The following MAGI1 variants were observed in gnomAD, a reference collection of about 807,000 sequenced individuals.
The protein encoded by MAGI1 is membrane associated guanylate kinase, WW and PDZ domain containing 1.
Under a neutral mutation model 139.9 loss-of-function variants are expected in MAGI1, and 58 were observed. The observed-to-expected ratio is 0.41, with a 90% CI of 0.34 to 0.52. MAGI1 has a LOEUF of 0.52. Among genes scored for constraint, MAGI1 ranks in the 20% least tolerant of loss-of-function variants. The pLI is 0.12. For missense variants in MAGI1, 1,874 were observed against 1,901.6 expected, an observed-to-expected ratio of 0.99 and a Z score of 0.27; for synonymous variants, 812 against 737.9, an observed-to-expected ratio of 1.10 and a Z score of -1.63.
rs146513749 is a variant in MAGI1 at position 65,805,636 on chromosome 3, C to A, written c.314-183548G>T. On this transcript the variant is annotated intron_variant, in intron 1 of 22. Coordinates refer to ENST00000402939, the MANE Select transcript of MAGI1 (RefSeq NM_001033057.2). ...TCATTCTATTACAAAGGTACATGCA[C>A]GTGTATGTTCACTGAAGCACATTCA... Among the ~76,000 whole-genome samples the A allele has an allele frequency of 1.9e-4, 29 of 152,210 alleles. 1 individual carries two copies. The East Asian group carries it at 5.6e-3, about 29-fold the overall frequency.
At chr3:65,656,402 G>C (rs574338974) in intron 1 of MAGI1, among the ~76,000 whole-genome samples, 27 of 152,280 alleles carry the variant, frequency 1.8e-4, no homozygotes, top group African/African-American at 6.0e-4. Flanking sequence ...TTTTCAAAGT[G>C]TCTCAGATTA....
At chr3:65,899,351 A>G (rs556665819) in intron 1 of MAGI1, among the ~76,000 whole-genome samples, 58 of 152,352 alleles carry the variant, frequency 3.8e-4, no homozygotes, top group African/African-American at 1.0e-3. Flanking sequence ...ATAACTACTC[A>G]GGTCCATTTT....
intron 1 of MAGI1, among the ~76,000 whole-genome samples, chr3:65,684,867 A>AC (rs2087890483): frequency 2.3e-5 from 3 of 133,216 alleles, no homozygotes; most frequent in African/African-American, 9.8e-5. Context: ...ACACCTGGCT[A>AC]ATTTTTTTTT....
At chr3:65,380,123 C>T (rs1181618750) in intron 16 of MAGI1, among the ~76,000 whole-genome samples, 1 of 152,164 alleles carries the variant, frequency 6.6e-6, no homozygotes, top group East Asian at 1.9e-4. Context: ...TCTTAGCTTC[C>T]AGGTGTCAAC....
intron 1 of MAGI1, among the ~76,000 whole-genome samples, chr3:65,684,868 ATTTTTTTTTTTTT>A (rs761948943): frequency 7.1e-5 from 7 of 98,176 alleles, no homozygotes; most frequent in Non-Finnish European, 1.1e-4. Context: ...CACCTGGCTA[ATTTTTTTTTTTTT>A]TTTTTTTTTT....
chr3:65,544,861 C>T (rs1353869594), intron 2 of MAGI1, among the ~76,000 whole-genome samples: 1 of 152,116 alleles, frequency 6.6e-6, no homozygotes, highest in Non-Finnish European at 1.5e-5. Flanking sequence ...ATAATGCAAA[C>T]CTGATGGGGT....
At chr3:65,382,473 T>A (rs548967887) in intron 15 of MAGI1, among the ~76,000 whole-genome samples, 1 of 152,332 alleles carries the variant, frequency 6.6e-6, no homozygotes, top group South Asian at 2.1e-4. Flanking sequence ...GAATAGGGAA[T>A]CTGTAATAAA....
intron 1 of MAGI1, among the ~76,000 whole-genome samples, chr3:65,693,204 C>G (rs2088836613): frequency 6.6e-6 from 1 of 152,190 alleles, no homozygotes. Flanking sequence ...CTCAGCCTCC[C>G]AAAGTGCTGG....
chr3:65,634,990 C>T (rs914468790), intron 1 of MAGI1, among the ~76,000 whole-genome samples: 8 of 152,134 alleles, frequency 5.3e-5, no homozygotes, highest in African/African-American at 1.9e-4. Flanking sequence ...AAGATGTTAA[C>T]AGCTGGTGAA....
intron 1 of MAGI1, among the ~76,000 whole-genome samples, chr3:65,634,204 T>C (rs2084472746): frequency 6.6e-6 from 1 of 152,198 alleles, no homozygotes; most frequent in South Asian, 2.1e-4. Context: ...TCTGTGTTCT[T>C]GACCAGAGAG....
rs141229946 is a variant in MAGI1, at chr3:65,693,236, C to G, written c.314-71148G>C. ...CTGGGATTATGGGTGTGAATCACTGCGCCTGGCCACATAATAAATGTCTTT... is the reference window on the plus strand; with the variant it reads ...CTGGGATTATGGGTGTGAATCACTGGGCCTGGCCACATAATAAATGTCTTT... On this transcript the variant is annotated intron_variant, in intron 1 of 22. Transcript: ENST00000402939. 7.2e-4 allele frequency among the ~76,000 whole-genome samples: 109 copies of G among 152,248 alleles called. 1 individual carries two copies. Among genetic ancestry groups the G allele is most frequent in the African/African-American group, 2.5e-3 (104 of 41,530 alleles).
At chr3:65,859,316 T>C (rs1053293213) in intron 1 of MAGI1, among the ~76,000 whole-genome samples, 2 of 151,952 alleles carry the variant, frequency 1.3e-5, no homozygotes, top group South Asian at 2.1e-4. Context: ...AGCTAAACTT[T>C]ATGGGAGGCC....
chr3:65,982,134 C>T (rs2065614578), intron 1 of MAGI1, among the ~76,000 whole-genome samples: 1 of 152,136 alleles, frequency 6.6e-6, no homozygotes, highest in African/African-American at 2.4e-5. Context: ...CCATTTTGAC[C>T]AGAGCTGGAT....
chr3:65,849,580 GTTGCTGGTCTGTTA>G (rs1433234332), intron 1 of MAGI1, among the ~76,000 whole-genome samples: 2 of 151,310 alleles, frequency 1.3e-5, no homozygotes, highest in Non-Finnish European at 2.9e-5. Context: ...GGATTTGAGG[GTTGCTGGTCTGTTA>G]TTGTTAGATG....
intron 1 of MAGI1, among the ~76,000 whole-genome samples, chr3:65,790,203 C>A (rs1161308273): frequency 6.6e-6 from 1 of 152,056 alleles, no homozygotes; most frequent in Non-Finnish European, 1.5e-5. Context: ...AGCCAAGATG[C>A]AATACTTAAA....
Position 65,931,733 on chromosome 3 carries a change from G to T in MAGI1, c.313+106263C>A, listed in dbSNP as rs17441629. Among the ~76,000 whole-genome samples the T allele has an allele frequency of 3.9e-5, 6 of 152,174 alleles. No individual in the cohort carries two copies. In the East Asian group the frequency reaches 1.2e-3, roughly 29 times the overall value. On this transcript the variant is annotated intron_variant, in intron 1 of 22. Transcript: ENST00000402939. ...ACTTATATTACAGGGTAAAAAAACA[G>T]TTCCGCTATTATTCCTCTCTGTGGC...
At chr3:65,596,055 G>C (rs1414135677) in intron 2 of MAGI1, among the ~76,000 whole-genome samples, 1 of 152,150 alleles carries the variant, frequency 6.6e-6, no homozygotes, top group Non-Finnish European at 1.5e-5. Context: ...TTGTCGACGA[G>C]TTTCAGTGCA....
At chr3:65,918,669 G>A (rs1392104121) in intron 1 of MAGI1, among the ~76,000 whole-genome samples, 7 of 151,974 alleles carry the variant, frequency 4.6e-5, no homozygotes, top group East Asian at 3.9e-4. Flanking sequence ...GTGAGCCACC[G>A]CGCCCGGCCT....
At chr3:65,430,206 T>C (rs1947351602) in intron 11 of MAGI1, 66 bp from the exon 12 acceptor site, 2 of 1,497,888 alleles carry the variant, frequency 1.3e-6, no homozygotes, top group Non-Finnish European at 1.8e-6. Flanking sequence ...AGTATTATAA[T>C]ATCTCCCACT....
Sources: gnomAD v4.1 joint callset for allele counts (sites outside exome capture counted in the v4.1 genomes callset) on GRCh38, gnomAD v4.1.1 for gene constraint, MANE v1.5 for transcripts, NCBI Gene and HGNC (gene_info 2026-07-23, HGNC 2026-07-21) for gene names.